REDIC1: variants seen among roughly 807,000 people sequenced by gnomAD.
The protein encoded by REDIC1 is regulator of DNA class I crossover intermediates 1, also known as HEI10 Interacting Protein 1.
chr12:39,845,080 T>C, the REDIC1 span, among the ~76,000 whole-genome samples: 1 of 152,196 alleles, frequency 6.6e-6, no homozygotes, highest in South Asian at 2.1e-4. Flanking sequence ...TAATTACTTT[T>C]TACTGTTTGG....
chr12:39,858,773 A>T, the REDIC1 span, among the ~76,000 whole-genome samples: 14 of 151,994 alleles, frequency 9.2e-5, no homozygotes. Flanking sequence ...CACTTGGCTA[A>T]TTTTTTGTAT....
the REDIC1 span, chr12:39,682,979 T>C: frequency 6.2e-7 from 1 of 1,613,242 alleles, no homozygotes; most frequent in African/African-American, 1.3e-5. Context: ...ATTTTTACAG[T>C]TCCAGAGTTG....
the REDIC1 span, among the ~76,000 whole-genome samples, chr12:39,628,558 C>T: frequency 6.6e-6 from 1 of 152,124 alleles, no homozygotes; most frequent in Non-Finnish European, 1.5e-5. Context: ...AAAATATAGA[C>T]AAGTGAAGTG....
the REDIC1 span, among the ~76,000 whole-genome samples, chr12:39,881,652 T>C: frequency 6.6e-6 from 1 of 152,184 alleles, no homozygotes; most frequent in Admixed American, 6.6e-5. Flanking sequence ...CATACTCTTT[T>C]TCTGTGCCCT....
the REDIC1 span, chr12:39,864,755 A>G: frequency 6.2e-7 from 1 of 1,612,868 alleles, no homozygotes; most frequent in Non-Finnish European, 8.5e-7. Flanking sequence ...ACATAATGGA[A>G]TCTCACCTGT....
At chr12:39,715,180 A>T in the REDIC1 span, among the ~76,000 whole-genome samples, 6 of 152,062 alleles carry the variant, frequency 3.9e-5, no homozygotes, top group South Asian at 1.2e-3. Flanking sequence ...ATCTTCTAGA[A>T]TTTTTATAAT....
chr12:39,805,843 G>T, the REDIC1 span, among the ~76,000 whole-genome samples: 1 of 152,236 alleles, frequency 6.6e-6, no homozygotes, highest in East Asian at 1.9e-4. Context: ...TCTCTACTAT[G>T]TTTGCTGAAG....
the REDIC1 span, among the ~76,000 whole-genome samples, chr12:39,694,517 C>T: frequency 6.6e-6 from 1 of 152,182 alleles, no homozygotes; most frequent in South Asian, 2.1e-4. Flanking sequence ...GGACCAAACT[C>T]AGCTGATGCC....
At chr12:39,698,083 A>C in the REDIC1 span, among the ~76,000 whole-genome samples, 1 of 152,202 alleles carries the variant, frequency 6.6e-6, no homozygotes, top group East Asian at 1.9e-4. Context: ...AGCCAATAGA[A>C]ACCAAAAAAG....
At chr12:39,786,794 C>T in the REDIC1 span, among the ~76,000 whole-genome samples, 1 of 152,170 alleles carries the variant, frequency 6.6e-6, no homozygotes, top group Non-Finnish European at 1.5e-5. Context: ...TTTAAATCCC[C>T]TCTCTCCTGT....
chr12:39,896,792 T>C, the REDIC1 span, among the ~76,000 whole-genome samples: 3 of 152,098 alleles, frequency 2.0e-5, no homozygotes, highest in Non-Finnish European at 2.9e-5. Context: ...AAAAGTTGCA[T>C]ATATTTAAGT....
the REDIC1 span, among the ~76,000 whole-genome samples, chr12:39,639,154 G>A: frequency 5.8e-4 from 88 of 152,066 alleles, no homozygotes; most frequent in African/African-American, 2.1e-3. Flanking sequence ...TGATTTCTCA[G>A]GTCCTCCTTA....
chr12:39,727,194 C>CT, the REDIC1 span, among the ~76,000 whole-genome samples: 5 of 152,154 alleles, frequency 3.3e-5, no homozygotes, highest in African/African-American at 1.2e-4. Flanking sequence ...GTTGTCACTG[C>CT]TTTTGGTGTT....
chr12:39,776,585 T>G, the REDIC1 span, among the ~76,000 whole-genome samples: 1 of 152,192 alleles, frequency 6.6e-6, no homozygotes, highest in African/African-American at 2.4e-5. Context: ...GAGGCCATAC[T>G]GCAATAGAAG....
At chr12:39,646,749 T>G in the REDIC1 span, 4 of 822,992 alleles carry the variant, frequency 4.9e-6, no homozygotes, top group Non-Finnish European at 7.4e-6. Context: ...TCTATATGTT[T>G]TGTGTAGAAC....
the REDIC1 span, among the ~76,000 whole-genome samples, chr12:39,870,861 T>G: frequency 2.0e-5 from 3 of 152,180 alleles, no homozygotes; most frequent in East Asian, 5.8e-4. Flanking sequence ...ATAACTGGGT[T>G]TGGAACTTAG....
chr12:39,765,421 T>C, the REDIC1 span, among the ~76,000 whole-genome samples: 1 of 152,054 alleles, frequency 6.6e-6, no homozygotes, highest in South Asian at 2.1e-4. Context: ...TCTTAATCCA[T>C]AGTAAAGCAA....
chr12:39,684,414 G>A, the REDIC1 span: 1 of 328,074 alleles, frequency 3.0e-6, no homozygotes, highest in Non-Finnish European at 4.4e-6. Context: ...GTGATTTCTT[G>A]TGGAATTATT....
chr12:39,864,981 A>G, the REDIC1 span: 1 of 1,148,028 alleles, frequency 8.7e-7, no homozygotes. Flanking sequence ...AGAAACAAAC[A>G]AAAACTCCTG....
Sources: gnomAD v4.1 joint callset for allele counts (sites outside exome capture counted in the v4.1 genomes callset) on GRCh38, gnomAD v4.1.1 for gene constraint, MANE v1.5 for transcripts, NCBI Gene and HGNC (gene_info 2026-07-23, HGNC 2026-07-21) for gene names.